Variants in LMBRD1 observed in about 807,000 individuals in gnomAD.
LMBRD1 encodes LMBR1 domain containing 1.
Under a neutral mutation model 74.8 loss-of-function variants are expected in LMBRD1, and 64 were observed. The ratio of observed to expected loss-of-function variants is 0.86; its 90% confidence interval spans 0.70 to 1.05. LMBRD1 has a LOEUF of 1.05. Among genes scored for constraint, LMBRD1 ranks in the 50% least tolerant of loss-of-function variants. The probability of loss-of-function intolerance (pLI) is 0.00; values close to 1 mark genes in which losing one functional copy is unlikely to be tolerated. For missense variants in LMBRD1, 652 were observed against 645.9 expected (o/e 1.01, Z -0.10); for synonymous variants, 204 against 216.3 (o/e 0.94, Z 0.50).
intron 13 of LMBRD1, among the ~76,000 whole-genome samples, chr6:69,698,619 G>A (rs1766057641): frequency 6.6e-6 from 1 of 151,868 alleles, no homozygotes; most frequent in African/African-American, 2.4e-5. Flanking sequence ...TTAAAAGAAT[G>A]TATAGTTATC....
chr6:69,760,131 C>A (rs535429987), intron 3 of LMBRD1, among the ~76,000 whole-genome samples: 1 of 152,210 alleles, frequency 6.6e-6, no homozygotes, highest in South Asian at 2.1e-4. Flanking sequence ...ATGATCTATC[C>A]GTTTGACTCC....
chr6:69,796,107 T>C (rs1049534062), intron 1 of LMBRD1, among the ~76,000 whole-genome samples: 6 of 152,188 alleles, frequency 3.9e-5, no homozygotes, highest in African/African-American at 1.4e-4. Flanking sequence ...CTATCTACAC[T>C]TTGCTCACTG....
chr6:69,708,778 C>T (rs1230883964), intron 9 of LMBRD1, among the ~76,000 whole-genome samples: 3 of 152,016 alleles, frequency 2.0e-5, no homozygotes, highest in Admixed American at 6.6e-5. Context: ...GTAACACTGG[C>T]ACAAAATTTT....
chr6:69,720,340 C>T (rs1426162124), intron 7 of LMBRD1, among the ~76,000 whole-genome samples: 2 of 152,084 alleles, frequency 1.3e-5, no homozygotes, highest in Admixed American at 1.3e-4. Context: ...AGGAGAAACA[C>T]TTAAAAAACC....
In LMBRD1 at chr6:69,737,971, T is replaced by C. The variant is rs1353744173; in HGVS notation, c.607A>G (p.Ile203Val). ...TAAGTTATAGCTGCCAACATTCCAA[T>C]CAAGGTCAGAGAACTGATAGAAAAT... Reference protein sequence around the residue: ...LSFSISSLTLIGMLAAITYTA... With the variant: ...LSFSISSLTLVGMLAAITYTA... The change falls in exon 7 of 16, where the codon ATT becomes GTT. Residue 203 changes from isoleucine (I) to valine (V), a missense_variant. Around this residue, in one of 3 missense-constraint regions of LMBRD1, gnomAD observed 598 missense variants for 581.8 expected, o/e 1.03. Transcript: ENST00000649934. 1 of 1,611,196 alleles carries C rather than the reference T, an allele frequency of 6.2e-7. No homozygotes were observed. Among genetic ancestry groups the C allele is most frequent in the Non-Finnish European group, 8.5e-7 (1 of 1,178,378 alleles).
chr6:69,768,295 T>C (rs570707779), intron 3 of LMBRD1, among the ~76,000 whole-genome samples: 1 of 152,048 alleles, frequency 6.6e-6, no homozygotes, highest in Admixed American at 6.6e-5. Context: ...AGTTAGTTTC[T>C]ACATTACCAA....
Position 69,674,226 on chromosome 6 carries a change from T to C in LMBRD1, c.*1932A>G, listed in dbSNP as rs973164431. Among the ~76,000 whole-genome samples the C allele has an allele frequency of 3.9e-5, 6 of 152,190 alleles. No homozygotes were observed. Among genetic ancestry groups the C allele is most frequent in the Non-Finnish European group, 8.8e-5 (6 of 68,036 alleles). On this transcript the variant is annotated 3_prime_UTR_variant, in exon 16 of 16. Transcript: ENST00000649934. ...ACACCAGTCATATTGGATTTGGGCT[T>C]CACGCAATAGCCTCATTTTACTTTA...
rs1766251525 is a variant in LMBRD1, at chr6:69,796,983, T to C, written c.-102A>G. 5.0e-6 allele frequency: 5 copies of C among 1,008,494 alleles called. No individual in the cohort carries two copies. The highest frequency in any genetic ancestry group is 7.6e-6 in the Non-Finnish European group (5 of 660,298). 62.5% of individuals were successfully genotyped at this position (1,008,494 alleles called of 1,614,324 possible). A position where few individuals can be genotyped will look rare whatever the true frequency, so the allele number is the denominator to read the frequency against. ...ATACTGCACCCGCGCACCCTAAAGG[T>C]TAAAGGGGCGGAGGGGGAGGAGCAA... is the stretch of plus-strand genomic sequence containing the variant. On this transcript the variant is annotated 5_prime_UTR_variant, in exon 1 of 16. Coordinates refer to ENST00000649934, the MANE Select transcript of LMBRD1 (RefSeq NM_018368.4).
intron 3 of LMBRD1, among the ~76,000 whole-genome samples, chr6:69,763,321 T>A (rs963058477): frequency 1.4e-4 from 21 of 146,512 alleles, no homozygotes; most frequent in South Asian, 4.3e-4. Flanking sequence ...CAAAAAAAAA[T>A]GGAAAAGCTT....
chr6:69,751,064 T>C (rs1288170902), intron 4 of LMBRD1, among the ~76,000 whole-genome samples: 1 of 152,098 alleles, frequency 6.6e-6, no homozygotes, highest in African/African-American at 2.4e-5. Context: ...AATTACAGTG[T>C]TCGATTTTGA....
At chr6:69,732,966 T>C (rs1315246459) in intron 7 of LMBRD1, among the ~76,000 whole-genome samples, 1 of 152,198 alleles carries the variant, frequency 6.6e-6, no homozygotes, top group African/African-American at 2.4e-5. Flanking sequence ...TAATATGCTG[T>C]TTGACCTCCT....
At chr6:69,695,319 T>A (rs1344485589) in intron 14 of LMBRD1, among the ~76,000 whole-genome samples, 1 of 152,096 alleles carries the variant, frequency 6.6e-6, no homozygotes, top group Non-Finnish European at 1.5e-5. Context: ...AACATTAAAT[T>A]TTTTCTCTTT....
At chr6:69,747,060 CAA>C (rs1206392638) in intron 5 of LMBRD1, among the ~76,000 whole-genome samples, 4 of 77,394 alleles carry the variant, frequency 5.2e-5, no homozygotes, top group Admixed American at 1.4e-4. Context: ...CTCAACTCTC[CAA>C]AAAAAAAAAA....
chr6:69,739,085 C>T (rs1307204108), intron 6 of LMBRD1, among the ~76,000 whole-genome samples: 1 of 152,084 alleles, frequency 6.6e-6, no homozygotes, highest in Non-Finnish European at 1.5e-5. Context: ...CCAGAAGTAT[C>T]ATGAGAAGGT....
intron 9 of LMBRD1, among the ~76,000 whole-genome samples, chr6:69,708,496 A>C (rs1476680359): frequency 6.6e-6 from 1 of 152,182 alleles, no homozygotes; most frequent in African/African-American, 2.4e-5. Flanking sequence ...GTGAGGTTCA[A>C]AAAGCTTAAG....
intron 14 of LMBRD1, among the ~76,000 whole-genome samples, chr6:69,696,333 C>G (rs1466782617): frequency 6.6e-6 from 1 of 152,176 alleles, no homozygotes. Context: ...TAAGTGATTT[C>G]CATAGTCTGG....
intron 7 of LMBRD1, among the ~76,000 whole-genome samples, chr6:69,735,972 TCA>T (rs1766968481): frequency 6.6e-6 from 1 of 152,180 alleles, no homozygotes; most frequent in South Asian, 2.1e-4. Flanking sequence ...CTCAGGATCC[TCA>T]CACTTACTCT....
intron 5 of LMBRD1, among the ~76,000 whole-genome samples, chr6:69,742,319 C>T (rs1409920404): frequency 1.3e-5 from 2 of 152,102 alleles, no homozygotes; most frequent in Non-Finnish European, 2.9e-5. Flanking sequence ...AAATGTCTCA[C>T]TGTGGAATCG....
Position 69,700,785 on chromosome 6 carries a change from T to C in LMBRD1, c.1168A>G (p.Ile390Val), listed in dbSNP as rs140727621. The change falls in exon 12 of 16, where the codon ATA (isoleucine) becomes GTA (valine). Residue 390 changes from isoleucine (I) to valine (V), a missense_variant. Transcript: ENST00000649934. ...CTTACTCTAATCCAAAAGAACCATA[T>C]GCCAATATTTCGAATTCCTGCCATT... ...TSMAGIRNIGIWFFWIRLYKI... is the reference protein window; with the variant it reads ...TSMAGIRNIGVWFFWIRLYKI... 3.1e-5 allele frequency: 47 copies of C among 1,519,298 alleles called. No individual in the cohort carries two copies. In the African/African-American group the frequency reaches 3.5e-4, roughly 11 times the overall value. The allele number at this position is 1,519,298 out of a possible 1,614,324, so 94.1% of individuals were successfully genotyped here. A position where few individuals can be genotyped will look rare whatever the true frequency, so the allele number is the denominator to read the frequency against.
Sources: allele counts gnomAD v4.1 joint callset (sites outside exome capture counted in the v4.1 genomes callset), GRCh38; gene constraint gnomAD v4.1.1; regional missense constraint gnomAD v4.1.1; transcripts MANE v1.5; gene names NCBI Gene and HGNC (gene_info 2026-07-23, HGNC 2026-07-21).